Variants in COL5A2 observed in about 807,000 individuals in gnomAD.
COL5A2 encodes collagen alpha-2(V) chain.
In COL5A2, 23 loss-of-function variants were observed where a neutral mutation model predicts 208.2. That is an observed-to-expected ratio of 0.11 (90% CI 0.08 to 0.16). The LOEUF is 0.16. Ranked by LOEUF, COL5A2 falls within the 10% of genes least tolerant of loss-of-function variation. COL5A2 has a pLI of 1.00. For synonymous variants in COL5A2, 625 were observed against 628.5 expected, an observed-to-expected ratio of 0.99 and a Z score of 0.08; for missense variants, 1,590 against 1,956.4, an observed-to-expected ratio of 0.81 and a Z score of 3.53.
rs559607326 is a variant in COL5A2 at position 189,115,609 on chromosome 2, G to A, written c.98-5160C>T. On this transcript the variant is annotated intron_variant, in intron 1 of 53. Coordinates refer to ENST00000374866, the MANE Select transcript of COL5A2 (RefSeq NM_000393.5). ...AGCAGAAATAATACACAGCACACAC[G>A]TGTTATAAAAATTTTAAATCTCTTA... is the stretch of plus-strand genomic sequence containing the variant. Among the ~76,000 whole-genome samples the A allele has an allele frequency of 1.9e-4, 29 of 152,184 alleles. No individual in the cohort carries two copies. The South Asian group carries it at 5.0e-3, about 26-fold the overall frequency.
At chr2:189,337,245 G>C in the COL5A2 span, among the ~76,000 whole-genome samples, 1 of 149,474 alleles carries the variant, frequency 6.7e-6, no homozygotes, top group African/African-American at 2.5e-5. Flanking sequence ...TGCAGTGGCG[G>C]GATCTCGGCT....
the COL5A2 span, among the ~76,000 whole-genome samples, chr2:189,432,435 C>T: frequency 2.0e-5 from 3 of 152,010 alleles, no homozygotes; most frequent in Admixed American, 1.3e-4. Flanking sequence ...TTCAGGAGAC[C>T]CATCTCACAT....
intron 1 of COL5A2, among the ~76,000 whole-genome samples, chr2:189,131,312 A>G (rs926932118): frequency 6.6e-6 from 1 of 152,216 alleles, no homozygotes; most frequent in Non-Finnish European, 1.5e-5. Context: ...AAATGGAACA[A>G]TAAGTTTCTT....
chr2:189,036,433 T>C (rs1376415642), intron 52 of COL5A2, among the ~76,000 whole-genome samples, 183 bp downstream of exon 52: 3 of 152,122 alleles, frequency 2.0e-5, no homozygotes, highest in Non-Finnish European at 4.4e-5. Flanking sequence ...TTAACTTCAC[T>C]CATAGCAAAA....
chr2:189,051,486 T>C lies in COL5A2; in HGVS notation c.2770-5A>G, dbSNP rs370313198. 9.2e-5 allele frequency: 147 copies of C among 1,597,432 alleles called. No individual in the cohort carries two copies. In the African/African-American group the frequency reaches 1.6e-3, roughly 18 times the overall value. ...TCCCGCAGGTCCTGGAGCTCCCTAG[T>C]ATAACAAAGAAAGAAACACCAAGGA... On this transcript the variant is annotated splice_polypyrimidine_tract_variant and splice_region_variant and intron_variant, in intron 41 of 53. Coordinates refer to ENST00000374866, the MANE Select transcript of COL5A2 (RefSeq NM_000393.5).
intron 1 of COL5A2, among the ~76,000 whole-genome samples, chr2:189,143,525 T>C (rs1217484633): frequency 6.6e-6 from 1 of 152,176 alleles, no homozygotes; most frequent in Non-Finnish European, 1.5e-5. Context: ...ATATCCTCTA[T>C]TAGAATGAGG....
At chr2:189,304,154 C>T in the COL5A2 span, among the ~76,000 whole-genome samples, 3 of 152,204 alleles carry the variant, frequency 2.0e-5, 1 homozygote, top group South Asian at 2.1e-4. Context: ...AAAATAGTCA[C>T]ATTGTTCAAC....
chr2:189,103,946 T>C (rs1456815253), intron 3 of COL5A2, among the ~76,000 whole-genome samples: 1 of 152,048 alleles, frequency 6.6e-6, no homozygotes, highest in African/African-American at 2.4e-5. Flanking sequence ...GTACTTCTAA[T>C]ATGTGCAAAG....
At chr2:189,151,142 A>G (rs1390848082) in intron 1 of COL5A2, among the ~76,000 whole-genome samples, 2 of 152,074 alleles carry the variant, frequency 1.3e-5, no homozygotes, top group African/African-American at 4.8e-5. Context: ...CACACAGATA[A>G]TCACTGCAAA....
chr2:189,365,738 C>T, the COL5A2 span, among the ~76,000 whole-genome samples: 295 of 152,266 alleles, frequency 1.9e-3, 1 homozygote, highest in African/African-American at 6.4e-3. Flanking sequence ...TCAAAACTCC[C>T]CTGGAGGCAC....
intron 1 of COL5A2, among the ~76,000 whole-genome samples, chr2:189,172,968 C>CTTTT (rs11286911): frequency 6.6e-4 from 64 of 96,480 alleles, no homozygotes; most frequent in African/African-American, 1.3e-3. Context: ...TTTTCCTCTT[C>CTTTT]TTTTTTTTTT....
At chr2:189,176,973 T>C (rs1319695539) in intron 1 of COL5A2, among the ~76,000 whole-genome samples, 2 of 152,244 alleles carry the variant, frequency 1.3e-5, no homozygotes, top group African/African-American at 4.8e-5. Flanking sequence ...TGCCTAAAAC[T>C]TTATTTATTT....
At chr2:189,428,212 T>A in the COL5A2 span, among the ~76,000 whole-genome samples, 1 of 152,118 alleles carries the variant, frequency 6.6e-6, no homozygotes, top group East Asian at 1.9e-4. Flanking sequence ...TAAAATATAA[T>A]CCCCAATGCT....
chr2:189,303,057 G>A, the COL5A2 span, among the ~76,000 whole-genome samples: 5 of 152,110 alleles, frequency 3.3e-5, no homozygotes, highest in South Asian at 2.1e-4. Context: ...ATGAAATTCC[G>A]AAGAAGGAAA....
intron 2 of COL5A2, among the ~76,000 whole-genome samples, chr2:189,107,914 G>A (rs190347175): frequency 5.3e-5 from 8 of 151,506 alleles, no homozygotes; most frequent in Admixed American, 3.9e-4. Context: ...CTTACATGCC[G>A]CTCAGGTTTT....
the COL5A2 span, among the ~76,000 whole-genome samples, chr2:189,282,151 A>G: frequency 4.2e-4 from 64 of 152,258 alleles, no homozygotes; most frequent in African/African-American, 1.5e-3. Context: ...ACGCCACTGT[A>G]CTCCAGCCTG....
chr2:189,408,167 T>G, the COL5A2 span, among the ~76,000 whole-genome samples: 1 of 152,174 alleles, frequency 6.6e-6, no homozygotes, highest in Non-Finnish European at 1.5e-5. Flanking sequence ...AATTGTTTAG[T>G]GCAAAGGACC....
At chr2:189,432,550 A>C in the COL5A2 span, among the ~76,000 whole-genome samples, 1 of 152,216 alleles carries the variant, frequency 6.6e-6, no homozygotes, top group Non-Finnish European at 1.5e-5. Flanking sequence ...GATAAAACAG[A>C]CTTTAAACCA....
chr2:189,190,788 A>C (rs1035277149), intron 1 of COL5A2, among the ~76,000 whole-genome samples: 9 of 152,194 alleles, frequency 5.9e-5, no homozygotes, highest in African/African-American at 2.2e-4. Context: ...CCTTCTTAAG[A>C]TGGGGTTTTG....
Sources: gnomAD v4.1 joint callset for allele counts (sites outside exome capture counted in the v4.1 genomes callset) on GRCh38, gnomAD v4.1.1 for gene constraint, MANE v1.5 for transcripts, NCBI Gene and HGNC (gene_info 2026-07-23, HGNC 2026-07-21) for gene names.